The following B3GALT1 variants were observed in gnomAD, a reference collection of about 807,000 sequenced individuals.
The protein encoded by B3GALT1 is UDP-Gal:betaGlcNAc beta 1,3-galactosyltransferase, polypeptide 1.
A neutral mutation model predicts 23.2 loss-of-function variants in B3GALT1; 10 were observed. That is an observed-to-expected ratio of 0.43 (90% CI 0.27 to 0.73). The LOEUF (loss-of-function observed/expected upper bound fraction) is 0.73, where lower values mean the gene tolerates loss of function less well. Among genes scored for constraint, B3GALT1 ranks in the 30% least tolerant of loss-of-function variants. B3GALT1 has a pLI of 0.21. For synonymous variants in B3GALT1, 156 were observed against 141.5 expected, an observed-to-expected ratio of 1.10 and a Z score of -0.73; for missense variants, 299 against 405.4, an observed-to-expected ratio of 0.74 and a Z score of 2.25.
At chr2:167,708,534 G>A (rs1445548297) in intron 3 of B3GALT1, among the ~76,000 whole-genome samples, 1 of 152,166 alleles carries the variant, frequency 6.6e-6, no homozygotes, top group East Asian at 1.9e-4. Context: ...AGTGGCGCAT[G>A]CCTGTAATCC....
At chr2:167,612,654 C>A (rs988619155) in intron 2 of B3GALT1, among the ~76,000 whole-genome samples, 3 of 151,500 alleles carry the variant, frequency 2.0e-5, no homozygotes, top group Non-Finnish European at 3.0e-5. Flanking sequence ...TTGCTATTTT[C>A]CAAATATTCT....
At chr2:167,349,757 C>T (rs1016247298) in intron 1 of B3GALT1, among the ~76,000 whole-genome samples, 3 of 152,102 alleles carry the variant, frequency 2.0e-5, no homozygotes, top group African/African-American at 7.2e-5. Flanking sequence ...CAGTTGCAGA[C>T]ATCCACTGGG....
At chr2:167,614,272 A>G (rs1179124378) in intron 2 of B3GALT1, among the ~76,000 whole-genome samples, 1 of 151,598 alleles carries the variant, frequency 6.6e-6, no homozygotes, top group Non-Finnish European at 1.5e-5. Context: ...AATCAATAGC[A>G]AAGAAAATGA....
At chr2:167,385,382 C>T (rs1697911677) in intron 1 of B3GALT1, among the ~76,000 whole-genome samples, 1 of 152,154 alleles carries the variant, frequency 6.6e-6, no homozygotes, top group Non-Finnish European at 1.5e-5. Flanking sequence ...AAACTTAACA[C>T]CCTGTTTAGA....
chr2:167,329,860 A>T (rs577886724), intron 1 of B3GALT1, among the ~76,000 whole-genome samples: 1 of 151,684 alleles, frequency 6.6e-6, no homozygotes, highest in South Asian at 2.1e-4. Flanking sequence ...CCATTCTCTC[A>T]ATGGCCTGTA....
chr2:167,393,763 C>T (rs1169795677), intron 1 of B3GALT1, among the ~76,000 whole-genome samples: 1 of 152,116 alleles, frequency 6.6e-6, no homozygotes, highest in Non-Finnish European at 1.5e-5. Context: ...CCTCTTAATA[C>T]TTATCACACA....
intron 4 of B3GALT1, among the ~76,000 whole-genome samples, chr2:167,843,591 A>G (rs1207883113): frequency 6.6e-6 from 1 of 152,200 alleles, no homozygotes; most frequent in African/African-American, 2.4e-5. Context: ...ACAAGCTCTG[A>G]GATAAATAAC....
intron 1 of B3GALT1, among the ~76,000 whole-genome samples, chr2:167,473,628 G>T (rs1017476445): frequency 4.6e-5 from 7 of 152,054 alleles, no homozygotes; most frequent in African/African-American, 1.4e-4. Flanking sequence ...TCTCTCCATT[G>T]CCTTGCTAGA....
chr2:167,296,493 GCT>G (rs1027892986), intron 1 of B3GALT1, among the ~76,000 whole-genome samples: 1 of 151,366 alleles, frequency 6.6e-6, no homozygotes, highest in African/African-American at 2.4e-5. Flanking sequence ...TCTTTCTTTC[GCT>G]CTCTCTCACC....
At chr2:167,701,151 A>T (rs1686875949) in intron 3 of B3GALT1, among the ~76,000 whole-genome samples, 1 of 152,224 alleles carries the variant, frequency 6.6e-6, no homozygotes, top group African/African-American at 2.4e-5. Context: ...GCTTGGCAAG[A>T]CCTCACTGGT....
chr2:167,295,244 G>GAAA lies in B3GALT1; in HGVS notation c.-511+1910_-511+1911insAAA, dbSNP rs1220736363. ...TGGACTAGTAAAAAATTGGTGCTAA[G>GAAA]TATTTTCTTCTTAGCATTCATCATG... On this transcript the variant is annotated intron_variant, in intron 1 of 4. Transcript: ENST00000392690. 5.9e-5 allele frequency among the ~76,000 whole-genome samples: 9 copies of GAAA among 152,254 alleles called. 1 individual carries two copies. The highest frequency in any genetic ancestry group is 1.7e-4 in the African/African-American group (7 of 41,556).
intron 2 of B3GALT1, among the ~76,000 whole-genome samples, chr2:167,559,579 G>C (rs2105387208): frequency 6.6e-6 from 1 of 152,252 alleles, no homozygotes; most frequent in South Asian, 2.1e-4. Flanking sequence ...CGAATGTATA[G>C]CTGGAATAAC....
chr2:167,517,348 G>C (rs2105358817), intron 2 of B3GALT1, among the ~76,000 whole-genome samples: 1 of 151,936 alleles, frequency 6.6e-6, no homozygotes, highest in Middle Eastern at 3.4e-3. Context: ...TTTGAATGAA[G>C]ATACAATTTG....
At chr2:167,687,521 G>A (rs1428573994) in intron 3 of B3GALT1, among the ~76,000 whole-genome samples, 1 of 151,782 alleles carries the variant, frequency 6.6e-6, no homozygotes. Context: ...AGAAGAGAGG[G>A]GCAAGGATTA....
rs143557592 is a variant in B3GALT1, at chr2:167,817,688, AG to A, written c.-351-983del. Among the ~76,000 whole-genome samples, 354 of 152,338 alleles carry A rather than the reference AG, an allele frequency of 2.3e-3. 4 individuals carry two copies. Among genetic ancestry groups the A allele is most frequent in the African/African-American group, 7.7e-3 (322 of 41,568 alleles). On this transcript the variant is annotated intron_variant, in intron 3 of 4. Coordinates refer to ENST00000392690, the MANE Select transcript of B3GALT1 (RefSeq NM_020981.4). Reference sequence around the variant, plus strand: ...CCATCCCAAACAAATGCCTTTGATAAGAGTTTTATTTCATATGAGGACCCAT... The same window carrying A: ...CCATCCCAAACAAATGCCTTTGATAAAGTTTTATTTCATATGAGGACCCAT...
intron 1 of B3GALT1, among the ~76,000 whole-genome samples, chr2:167,315,216 C>T (rs933669199): frequency 3.3e-5 from 5 of 152,094 alleles, no homozygotes; most frequent in Admixed American, 3.3e-4. Flanking sequence ...ATTTAAAATC[C>T]CTGTTTAATA....
intron 2 of B3GALT1, among the ~76,000 whole-genome samples, chr2:167,535,090 G>A (rs79369354): frequency 0.023 from 3,522 of 152,194 alleles, 136 homozygotes; most frequent in African/African-American, 0.081. Flanking sequence ...TTTATCAGAA[G>A]TCCCATTCCC....
intron 3 of B3GALT1, among the ~76,000 whole-genome samples, chr2:167,720,118 G>A (rs969476084): frequency 5.3e-5 from 8 of 152,140 alleles, no homozygotes; most frequent in Admixed American, 2.0e-4. Flanking sequence ...TTTACATAAT[G>A]GGCTTTCTCA....
intron 1 of B3GALT1, among the ~76,000 whole-genome samples, chr2:167,347,007 C>T (rs1181802178): frequency 6.6e-6 from 1 of 152,082 alleles, no homozygotes. Context: ...TCATTAAATA[C>T]AAAATATATT....
Sources: allele counts gnomAD v4.1 joint callset (sites outside exome capture counted in the v4.1 genomes callset), GRCh38; gene constraint gnomAD v4.1.1; transcripts MANE v1.5; gene names NCBI Gene and HGNC (gene_info 2026-07-23, HGNC 2026-07-21).